NALCN: variants seen among roughly 807,000 people sequenced by gnomAD.
The protein encoded by NALCN is sodium leak channel NALCN.
Under a neutral mutation model 225.3 loss-of-function variants are expected in NALCN, and 111 were observed. The observed-to-expected ratio is 0.49, with a 90% CI of 0.42 to 0.58. The LOEUF (loss-of-function observed/expected upper bound fraction) is 0.58, where lower values mean the gene tolerates loss of function less well. Among genes scored for constraint, NALCN ranks in the 20% least tolerant of loss-of-function variants. The pLI is 0.00. For missense variants in NALCN, 1,378 were observed against 2,202.4 expected, an observed-to-expected ratio of 0.63 and a Z score of 7.49; for synonymous variants, 764 against 769.0, an observed-to-expected ratio of 0.99 and a Z score of 0.11.
chr13:101,239,201 G>T (rs2041671647), intron 11 of NALCN, among the ~76,000 whole-genome samples: 1 of 151,688 alleles, frequency 6.6e-6, no homozygotes, highest in Non-Finnish European at 1.5e-5. Context: ...GCAATTACAT[G>T]TTTTTACATG....
rs139846484 is a variant in NALCN at position 101,346,721 on chromosome 13, C to A, written c.645-1301G>T. Among the ~76,000 whole-genome samples the A allele has an allele frequency of 9.2e-5, 14 of 152,234 alleles. No individual in the cohort carries two copies. In the East Asian group the frequency reaches 2.7e-3, roughly 29 times the overall value. ...TTTAGATATGTAATGGCTTTCCTGA[C>A]AGCAAGTATAGATAACATAGGACTG... On this transcript the variant is annotated intron_variant, in intron 6 of 43. Transcript: ENST00000251127.
chr13:101,384,554 C>G (rs2046935552), intron 3 of NALCN, among the ~76,000 whole-genome samples: 1 of 152,108 alleles, frequency 6.6e-6, no homozygotes, highest in Non-Finnish European at 1.5e-5. Flanking sequence ...TTCCAGGGCC[C>G]ATCTGTCACT....
intron 3 of NALCN, among the ~76,000 whole-genome samples, chr13:101,379,995 A>G (rs1753755777): frequency 6.6e-6 from 1 of 152,172 alleles, no homozygotes; most frequent in South Asian, 2.1e-4. Context: ...ACAGTATTAG[A>G]TCATTAAGGC....
chr13:101,253,464 G>C (rs973717389), intron 11 of NALCN, among the ~76,000 whole-genome samples: 1 of 152,038 alleles, frequency 6.6e-6, no homozygotes, highest in Non-Finnish European at 1.5e-5. Flanking sequence ...TAATGCTATT[G>C]CCTTACATAC....
chr13:101,083,157 G>T lies in NALCN; in HGVS notation c.3625C>A (p.His1209Asn). ...GCGATTGTCCTCTTAAAAAATGGAT[G>T]CTGGGTTATGTCATACATTTTAGCT... is the stretch of plus-strand genomic sequence containing the variant. ...FRAKMYDITQ[H>N]PFFKRTIALL... The change falls in exon 32 of 44, where the codon CAT becomes AAT. Residue 1209 changes from histidine to asparagine, a missense_variant. Coordinates refer to ENST00000251127, the MANE Select transcript of NALCN (RefSeq NM_052867.4). The T allele has an allele frequency of 6.2e-7, 1 of 1,614,130 alleles. No homozygotes were observed.
intron 6 of NALCN, among the ~76,000 whole-genome samples, chr13:101,351,578 C>T (rs537233939): frequency 2.0e-4 from 31 of 152,232 alleles, no homozygotes; most frequent in Admixed American, 5.9e-4. Flanking sequence ...CTGTATATCA[C>T]AACACAAAGA....
At chr13:101,064,559 T>TACACACACACAC (rs57799563) in intron 40 of NALCN, among the ~76,000 whole-genome samples, 411 of 148,302 alleles carry the variant, frequency 2.8e-3, no homozygotes, top group Middle Eastern at 0.01. Context: ...TGAACATAGA[T>TACACACACACAC]ACACACACAC....
intron 18 of NALCN, among the ~76,000 whole-genome samples, chr13:101,123,652 A>C (rs896978029): frequency 1.3e-5 from 2 of 152,236 alleles, no homozygotes; most frequent in African/African-American, 2.4e-5. Context: ...CTATGCATGA[A>C]CGTCAGCCAA....
chr13:101,070,366 A>G (rs573795548), intron 37 of NALCN, among the ~76,000 whole-genome samples: 1 of 152,316 alleles, frequency 6.6e-6, no homozygotes, highest in Admixed American at 6.5e-5. Context: ...GCGCCTGGCC[A>G]TGAATGTTCT....
chr13:101,272,026 A>G (rs1202820109), intron 10 of NALCN, among the ~76,000 whole-genome samples: 2 of 148,886 alleles, frequency 1.3e-5, no homozygotes, highest in East Asian at 2.0e-4. Flanking sequence ...CTGTGTGTGT[A>G]TGTACATGTG....
chr13:101,165,531 A>C (rs2038397631), intron 15 of NALCN, among the ~76,000 whole-genome samples: 3 of 152,240 alleles, frequency 2.0e-5, no homozygotes, highest in Non-Finnish European at 1.5e-5. Flanking sequence ...ATGTAATGGC[A>C]TGATCACAGC....
Position 101,176,308 on chromosome 13 carries a change from G to T in NALCN, c.1831C>A (p.Leu611Ile). 1.3e-6 allele frequency: 2 copies of T among 1,581,452 alleles called. No individual in the cohort carries two copies. The highest frequency in any genetic ancestry group is 8.6e-7 in the Non-Finnish European group (1 of 1,167,860). Residue 611 changes from leucine (L) to isoleucine (I), a missense_variant, in exon 15 of 44, where the codon CTT becomes ATT. By Grantham distance (5) the Leu-to-Ile change is conservative (BLOSUM62 2). Transcript: ENST00000251127. Reference protein sequence around the residue: ...NLELDEDLKKLKQLKQSEANA... With the variant: ...NLELDEDLKKIKQLKQSEANA... ...CCCCACACACTACTTACTTGTTTAA[G>T]CTTCTTTAGGTCTTCATCAAGTTCT...
At chr13:101,233,339 A>ATTT (rs35072635) in intron 12 of NALCN, among the ~76,000 whole-genome samples, 4,753 of 139,898 alleles carry the variant, frequency 0.034, 232 homozygotes, top group African/African-American at 0.11. Flanking sequence ...CTTGGGAAGA[A>ATTT]TTTTTTTTTT....
chr13:101,286,114 CA>C (rs555502455), intron 9 of NALCN, among the ~76,000 whole-genome samples: 1 of 152,138 alleles, frequency 6.6e-6, no homozygotes, highest in Non-Finnish European at 1.5e-5. Context: ...CTGAATTATA[CA>C]ACATTTAGAT....
At chr13:101,196,771 C>T (rs1382836212) in intron 13 of NALCN, among the ~76,000 whole-genome samples, 2 of 152,210 alleles carry the variant, frequency 1.3e-5, no homozygotes, top group East Asian at 3.9e-4. Flanking sequence ...TTCACTTCCC[C>T]AAATTCACTG....
At chr13:101,154,635 G>A (rs1452047873) in intron 15 of NALCN, among the ~76,000 whole-genome samples, 1 of 152,108 alleles carries the variant, frequency 6.6e-6, no homozygotes, top group Non-Finnish European at 1.5e-5. Context: ...TGGCCCTGTG[G>A]CCTCAAATTG....
chr13:101,192,548 AAG>A (rs1227482099), intron 13 of NALCN, among the ~76,000 whole-genome samples: 1 of 152,180 alleles, frequency 6.6e-6, no homozygotes, highest in Non-Finnish European at 1.5e-5. Flanking sequence ...CTCTTTAAAA[AAG>A]AAATATTTCT....
intron 6 of NALCN, among the ~76,000 whole-genome samples, chr13:101,361,777 A>C (rs75281032): frequency 0.011 from 1,682 of 152,328 alleles, 31 homozygotes; most frequent in African/African-American, 0.038. Context: ...AAAAATAAGA[A>C]TCTTATAACC....
At chr13:101,415,778 G>A (rs900496478) in intron 1 of NALCN, among the ~76,000 whole-genome samples, 1 of 152,214 alleles carries the variant, frequency 6.6e-6, no homozygotes, top group Non-Finnish European at 1.5e-5. Flanking sequence ...CGGAGCCCCC[G>A]CGGAGACCTG....
Sources: gnomAD v4.1 joint callset for allele counts (sites outside exome capture counted in the v4.1 genomes callset) on GRCh38, gnomAD v4.1.1 for gene constraint, MANE v1.5 for transcripts, NCBI Gene and HGNC (gene_info 2026-07-23, HGNC 2026-07-21) for gene names.